The following FHL2 variants were observed in gnomAD, a reference collection of about 807,000 sequenced individuals.
FHL2 encodes four and a half LIM domains protein 2.
Under a neutral mutation model 32.7 loss-of-function variants are expected in FHL2, and 20 were observed. The ratio of observed to expected loss-of-function variants is 0.61; its 90% CI spans 0.43 to 0.89. FHL2 has a LOEUF of 0.89. Ranked by LOEUF, FHL2 falls within the 40% of genes least tolerant of loss-of-function variation. The pLI is 0.00. For missense variants in FHL2, 311 were observed against 358.6 expected (o/e 0.87, Z 1.07); for synonymous variants, 123 against 128.1 (o/e 0.96, Z 0.27).
chr2:105,408,388 A>G (rs1683699046), intron 1 of FHL2, among the ~76,000 whole-genome samples: 1 of 152,236 alleles, frequency 6.6e-6, no homozygotes, highest in Admixed American at 6.5e-5. Flanking sequence ...TTTCCAAGTC[A>G]TGTAATCCTA....
At position 105,386,353 on chromosome 2, in the gene FHL2, G is replaced by A. The variant is rs1233115186; in HGVS notation, c.156+8C>T. The A allele has an allele frequency of 4.3e-6, 7 of 1,613,018 alleles. No homozygotes were observed. The highest frequency in any genetic ancestry group is 5.9e-6 in the Non-Finnish European group (7 of 1,179,660). On this transcript the variant is annotated splice_region_variant and intron_variant, in intron 3 of 6. Coordinates refer to ENST00000530340, the MANE Select transcript of FHL2 (RefSeq NM_001318895.3). The stretch of plus-strand genomic sequence containing the variant: ...CGCCGGGGACCCGCAGAGGCCCGCA[G>A]CAGGTACCTTGCAGTCACAGCCGAT...
intron 1 of FHL2, among the ~76,000 whole-genome samples, chr2:105,411,397 AT>A (rs200918775): frequency 1.3e-4 from 20 of 151,632 alleles, no homozygotes; most frequent in East Asian, 3.9e-4. Context: ...ATAATGTACA[AT>A]TTTTTTTTCT....
chr2:105,366,518 C>T (rs1379018368), intron 5 of FHL2, among the ~76,000 whole-genome samples: 1 of 152,148 alleles, frequency 6.6e-6, no homozygotes, highest in Non-Finnish European at 1.5e-5. Context: ...CAGGCTGATG[C>T]AAATCCTAAC....
At chr2:105,410,331 A>C (rs1683754677) in intron 1 of FHL2, among the ~76,000 whole-genome samples, 1 of 152,234 alleles carries the variant, frequency 6.6e-6, no homozygotes, top group Non-Finnish European at 1.5e-5. Flanking sequence ...TTCCCCAAGC[A>C]GATAACCCCA....
chr2:105,405,662 G>A (rs1172719777), intron 1 of FHL2, among the ~76,000 whole-genome samples: 2 of 152,218 alleles, frequency 1.3e-5, no homozygotes, highest in Non-Finnish European at 2.9e-5. Context: ...GAAATCCCAA[G>A]TTCTCTCTTC....
intron 1 of FHL2, among the ~76,000 whole-genome samples, chr2:105,419,790 C>T (rs1283649803): frequency 1.3e-5 from 2 of 152,176 alleles, no homozygotes; most frequent in African/African-American, 4.8e-5. Flanking sequence ...AAAATAATAA[C>T]ATAAAATAAG....
intron 1 of FHL2, among the ~76,000 whole-genome samples, chr2:105,431,782 C>T (rs1357453724): frequency 6.6e-6 from 1 of 152,208 alleles, no homozygotes; most frequent in African/African-American, 2.4e-5. Context: ...AAATTGGGCT[C>T]ACATTGGCCT....
upstream of FHL2, among the ~76,000 whole-genome samples, chr2:105,400,720 G>A (rs1028137139): frequency 2.4e-5 from 3 of 122,766 alleles, no homozygotes; most frequent in South Asian, 2.5e-4. Flanking sequence ...TGACTTACGG[G>A]TGTAATCCAT....
intron 2 of FHL2, among the ~76,000 whole-genome samples, chr2:105,390,983 GTGTGTGTGTA>G (rs1291228168): frequency 6.6e-6 from 1 of 151,476 alleles, no homozygotes; most frequent in African/African-American, 2.4e-5. Context: ...GTGTGTATGT[GTGTGTGTGTA>G]TGTGTATTTT....
At chr2:105,427,508 A>T (rs996202007) in intron 1 of FHL2, among the ~76,000 whole-genome samples, 1 of 152,224 alleles carries the variant, frequency 6.6e-6, no homozygotes, top group African/African-American at 2.4e-5. Context: ...GTCACAAAAG[A>T]AAAGTGAGCT....
intron 1 of FHL2, among the ~76,000 whole-genome samples, chr2:105,421,074 G>A (rs561990875): frequency 1.3e-5 from 2 of 152,312 alleles, no homozygotes; most frequent in South Asian, 4.1e-4. Flanking sequence ...GTCCTATACT[G>A]GATCCAGCTC....
At chr2:105,377,292 G>C (rs1017499744) in intron 3 of FHL2, among the ~76,000 whole-genome samples, 7 of 152,184 alleles carry the variant, frequency 4.6e-5, no homozygotes, top group Non-Finnish European at 1.0e-4. Context: ...GGTTAAGAAG[G>C]TAAGTGTGAT....
At position 105,361,940 on chromosome 2, in the gene FHL2, TC is replaced by T. The variant is rs11352521; in HGVS notation, c.689-507del. ...GAGGGATATTGTCGCAGTGGGAAGA[TC>T]CTGAGAAAGCTGCAGACAGATAGAA... is the stretch of plus-strand genomic sequence containing the variant. On this transcript the variant is annotated intron_variant, in intron 6 of 6. Transcript: ENST00000530340. Among the ~76,000 whole-genome samples, 1,224 of 152,284 alleles carry T rather than the reference TC, an allele frequency of 8.0e-3. 16 individuals are homozygous for T. Among genetic ancestry groups the T allele is most frequent in the African/African-American group, 0.028 (1,179 of 41,542 alleles).
At chr2:105,414,906 ATC>A (rs1683891853) in intron 1 of FHL2, among the ~76,000 whole-genome samples, 1 of 152,228 alleles carries the variant, frequency 6.6e-6, no homozygotes, top group East Asian at 1.9e-4. Context: ...AAGACCAAAT[ATC>A]TGTTTCACAA....
At chr2:105,360,579 A>T, downstream of FHL2, 1 of 152,372 alleles carries the variant, frequency 6.6e-6, no homozygotes, top group Non-Finnish European at 1.5e-5. Flanking sequence ...GATGGTCTTG[A>T]TCTCCTGACC....
intron 3 of FHL2, among the ~76,000 whole-genome samples, chr2:105,385,242 T>C (rs1422432716): frequency 2.0e-5 from 3 of 152,148 alleles, no homozygotes; most frequent in Non-Finnish European, 4.4e-5. Flanking sequence ...ATGGAAACCA[T>C]CCCTCAACTG....
intron 1 of FHL2, among the ~76,000 whole-genome samples, chr2:105,428,887 A>G (rs1188103975): frequency 2.6e-5 from 4 of 152,242 alleles, no homozygotes. Flanking sequence ...GCCTGTCCCC[A>G]TGCTAGGCTT....
chr2:105,428,826 G>A (rs564852832), intron 1 of FHL2, among the ~76,000 whole-genome samples: 7 of 152,306 alleles, frequency 4.6e-5, no homozygotes, highest in Non-Finnish European at 8.8e-5. Flanking sequence ...TGCCCTTGGC[G>A]GCTGCTCTGT....
At chr2:105,367,518 A>G in intron 5 of FHL2, 52 bp downstream of exon 5, 1 of 1,550,824 alleles carries the variant, frequency 6.4e-7, no homozygotes, top group Non-Finnish European at 8.8e-7. Flanking sequence ...GACATGGACC[A>G]TGGAGGCAAA....
Sources: allele counts gnomAD v4.1 joint callset (sites outside exome capture counted in the v4.1 genomes callset), GRCh38; gene constraint gnomAD v4.1.1; transcripts MANE v1.5; gene names NCBI Gene and HGNC (gene_info 2026-07-23, HGNC 2026-07-21).